The following RANBP2 variants were observed in gnomAD, a reference collection of about 807,000 sequenced individuals.
RANBP2 encodes RAN binding protein 2.
A neutral mutation model predicts 303.6 loss-of-function variants in RANBP2; 57 were observed. The observed-to-expected ratio is 0.19, with a 90% CI of 0.15 to 0.23. The LOEUF is 0.23. Among genes scored for constraint, RANBP2 ranks in the 10% least tolerant of loss-of-function variants. RANBP2 has a pLI of 1.00. For synonymous variants in RANBP2, 1,167 were observed against 1,301.5 expected (o/e 0.90, Z 2.23); for missense variants, 3,138 against 3,780.8 (o/e 0.83, Z 4.46).
At chr2:109,068,806 G>A in the RANBP2 span, among the ~76,000 whole-genome samples, 1 of 152,348 alleles carries the variant, frequency 6.6e-6, no homozygotes, top group East Asian at 1.9e-4. Context: ...CATCTGGCAA[G>A]CTGGTGAGAT....
At chr2:109,420,737 G>A in the RANBP2 span, among the ~76,000 whole-genome samples, 5 of 152,112 alleles carry the variant, frequency 3.3e-5, no homozygotes, top group South Asian at 2.1e-4. Context: ...GAGCCACCGC[G>A]CCCGGCCAAA....
At chr2:108,907,118 A>G in the RANBP2 span, among the ~76,000 whole-genome samples, 1 of 152,202 alleles carries the variant, frequency 6.6e-6, no homozygotes, top group Non-Finnish European at 1.5e-5. Flanking sequence ...ACAGCACATT[A>G]CAGGGCGGTA....
chr2:109,339,972 A>G, the RANBP2 span, among the ~76,000 whole-genome samples: 1 of 152,308 alleles, frequency 6.6e-6, no homozygotes, highest in African/African-American at 2.4e-5. Flanking sequence ...TTGCCCAGTT[A>G]CACGCTTTGT....
At chr2:109,221,958 T>C in the RANBP2 span, among the ~76,000 whole-genome samples, 1 of 150,064 alleles carries the variant, frequency 6.7e-6, no homozygotes, top group Non-Finnish European at 1.5e-5. Flanking sequence ...TCAGCCCAAG[T>C]GTCCATCAAC....
At chr2:109,327,307 C>T in the RANBP2 span, among the ~76,000 whole-genome samples, 3 of 152,172 alleles carry the variant, frequency 2.0e-5, no homozygotes, top group Non-Finnish European at 4.4e-5. Flanking sequence ...CCAGCCTTTC[C>T]CTGCCGCTGG....
the RANBP2 span, among the ~76,000 whole-genome samples, chr2:109,448,106 CA>C: frequency 6.6e-6 from 1 of 152,162 alleles, no homozygotes; most frequent in African/African-American, 2.4e-5. Context: ...GTGTGGAAAC[CA>C]AGGACCAGCC....
the RANBP2 span, among the ~76,000 whole-genome samples, chr2:109,466,940 T>C: frequency 6.6e-6 from 1 of 151,552 alleles, no homozygotes; most frequent in Non-Finnish European, 1.5e-5. Context: ...CATGTATGTG[T>C]GTGTCTATAT....
At chr2:109,446,938 G>C in the RANBP2 span, among the ~76,000 whole-genome samples, 1 of 151,984 alleles carries the variant, frequency 6.6e-6, no homozygotes, top group Non-Finnish European at 1.5e-5. Flanking sequence ...CAGGGACCCT[G>C]GACCGAGAGA....
chr2:108,772,891 GTTT>G lies in RANBP2; in HGVS notation c.8138_8140del (p.Val2713_Trp2714delinsGly). The G allele has an allele frequency of 3.1e-6, 5 of 1,613,814 alleles. No individual in the cohort carries two copies. Among genetic ancestry groups the G allele is most frequent in the Non-Finnish European group, 3.4e-6 (4 of 1,179,892 alleles). ...AGATAATGAGAAAGAATGTATTATT[GTTT>G]GGGAAAAGAAACCAACAGTTGAAGA... On this transcript the variant is annotated inframe_deletion, in exon 23 of 29. Coordinates refer to ENST00000283195, the MANE Select transcript of RANBP2 (RefSeq NM_006267.5).
the RANBP2 span, among the ~76,000 whole-genome samples, chr2:109,210,040 C>A: frequency 6.6e-6 from 1 of 152,160 alleles, no homozygotes; most frequent in African/African-American, 2.4e-5. Flanking sequence ...TTCTAGGGAC[C>A]GCAGAGTCAA....
chr2:109,395,648 C>T, the RANBP2 span, among the ~76,000 whole-genome samples: 7 of 152,314 alleles, frequency 4.6e-5, no homozygotes, highest in South Asian at 2.1e-4. Context: ...TCTCTGTCTC[C>T]GCCGTGAAGG....
chr2:108,748,995 G>T lies in RANBP2; in HGVS notation c.1139G>T (p.Ser380Ile), dbSNP rs775309139. Residue 380 changes from serine to isoleucine, a missense_variant, in exon 9 of 29, where the codon AGC becomes ATC. By Grantham distance (142) the Ser-to-Ile change is moderately radical. Coordinates refer to ENST00000283195, the MANE Select transcript of RANBP2 (RefSeq NM_006267.5). ...KEIVETFANK[S>I]GQSALYDALF... Reference sequence around the variant, plus strand: ...ATTGTTGAAACTTTTGCCAACAAAAGCGGGCAGTCTGCATTATATGATGCT... The same window carrying T: ...ATTGTTGAAACTTTTGCCAACAAAATCGGGCAGTCTGCATTATATGATGCT... 1 of 1,611,922 alleles carries T rather than the reference G, an allele frequency of 6.2e-7. No homozygotes were observed. The highest frequency in any genetic ancestry group is 1.1e-5 in the South Asian group (1 of 90,990).
chr2:109,449,474 G>C, the RANBP2 span: 3 of 1,613,950 alleles, frequency 1.9e-6, no homozygotes, highest in Non-Finnish European at 2.5e-6. Context: ...AACTAGACGA[G>C]AAGAAAAGTG....
At chr2:109,561,925 T>G in the RANBP2 span, among the ~76,000 whole-genome samples, 1 of 152,138 alleles carries the variant, frequency 6.6e-6, no homozygotes, top group Non-Finnish European at 1.5e-5. Context: ...GGCAGGCAGA[T>G]CACTTTGTAT....
the RANBP2 span, among the ~76,000 whole-genome samples, chr2:109,283,377 C>T: frequency 6.6e-6 from 1 of 152,194 alleles, no homozygotes; most frequent in Non-Finnish European, 1.5e-5. Flanking sequence ...CCTCACCTCA[C>T]TGCGTTGAAA....
the RANBP2 span, among the ~76,000 whole-genome samples, chr2:109,580,241 A>G: frequency 6.6e-6 from 1 of 152,026 alleles, no homozygotes; most frequent in South Asian, 2.1e-4. Context: ...TTATGATCTC[A>G]GAATGGTATC....
At chr2:109,685,306 A>G in the RANBP2 span, among the ~76,000 whole-genome samples, 541 of 152,338 alleles carry the variant, frequency 3.6e-3, 5 homozygotes, top group African/African-American at 0.013. Flanking sequence ...ATAGGTTCGC[A>G]CTTACACCAG....
At chr2:109,509,917 G>A in the RANBP2 span, among the ~76,000 whole-genome samples, 1 of 152,276 alleles carries the variant, frequency 6.6e-6, no homozygotes, top group Non-Finnish European at 1.5e-5. Context: ...ATAACTAGGC[G>A]ATAGCTACCG....
chr2:109,051,502 T>C, the RANBP2 span, among the ~76,000 whole-genome samples: 1 of 152,218 alleles, frequency 6.6e-6, no homozygotes, highest in Non-Finnish European at 1.5e-5. Flanking sequence ...TCGTCCGCAA[T>C]GTGCAGAAGC....
Sources: allele counts gnomAD v4.1 joint callset (sites outside exome capture counted in the v4.1 genomes callset), GRCh38; gene constraint gnomAD v4.1.1; transcripts MANE v1.5; gene names NCBI Gene and HGNC (gene_info 2026-07-23, HGNC 2026-07-21).